Variants in RANBP3 observed in about 807,000 individuals in gnomAD.
The protein encoded by RANBP3 is ran-binding protein 3.
A neutral mutation model predicts 77.3 loss-of-function variants in RANBP3; 14 were observed. That is an observed-to-expected ratio of 0.18 (90% CI 0.12 to 0.28). The LOEUF is 0.28. RANBP3 is among the 10% of genes least tolerant of loss of function. The probability of loss-of-function intolerance (pLI) is 1.00; values close to 1 mark genes in which losing one functional copy is unlikely to be tolerated. For missense variants in RANBP3, 586 were observed against 752.3 expected (o/e 0.78, Z 2.59); for synonymous variants, 315 against 312.4 (o/e 1.01, Z -0.09).
chr19:5,948,633 A>T (rs957627280), intron 3 of RANBP3, among the ~76,000 whole-genome samples: 1 of 152,142 alleles, frequency 6.6e-6, no homozygotes, highest in Non-Finnish European at 1.5e-5. Context: ...CCAGCTCAGA[A>T]ATTCTTGTCA....
At chr19:5,942,700 C>CAAA (rs11298054) in intron 3 of RANBP3, among the ~76,000 whole-genome samples, 79 of 90,816 alleles carry the variant, frequency 8.7e-4, no homozygotes, top group African/African-American at 2.5e-3. Context: ...GACTCTGTCT[C>CAAA]AAAAAAAAAA....
rs1025448804 is a variant in RANBP3, at chr19:5,916,651, C to G, written c.*959G>C. The G allele has an allele frequency of 1.3e-5, 2 of 152,510 alleles. No homozygotes were observed. The highest frequency in any genetic ancestry group is 2.9e-5 in the Non-Finnish European group (2 of 68,266). The allele number at this position is 152,510 out of a possible 1,614,324, so 9.4% of individuals were successfully genotyped here. A position where few individuals can be genotyped will look rare whatever the true frequency, so the allele number is the denominator to read the frequency against. The stretch of plus-strand genomic sequence containing the variant: ...ACAGAAGCCCCTGGCCCTGGACTGT[C>G]CTGGGGGCAGGGACACCTGTGGCTG... On this transcript the variant is annotated 3_prime_UTR_variant, in exon 17 of 17. Transcript: ENST00000340578.
chr19:5,961,904 G>A (rs1034914529), intron 1 of RANBP3, among the ~76,000 whole-genome samples: 9 of 151,694 alleles, frequency 5.9e-5, no homozygotes. Flanking sequence ...TGCACTTCTG[G>A]ACTTCTGCTT....
At chr19:5,956,253 C>A (rs1439565643) in intron 2 of RANBP3, among the ~76,000 whole-genome samples, 2 of 152,048 alleles carry the variant, frequency 1.3e-5, no homozygotes, top group Non-Finnish European at 2.9e-5. Flanking sequence ...CTAGAAAATC[C>A]TGATTTTACT....
intron 9 of RANBP3, 61 bp from the exon 10 acceptor site, chr19:5,925,798 T>G (rs2057899812): frequency 1.6e-5 from 22 of 1,384,416 alleles, no homozygotes; most frequent in Middle Eastern, 1.8e-4. Flanking sequence ...GTTCCACAGC[T>G]CAGTGTCTGC....
At chr19:5,977,524 T>A (rs1396590706) in intron 1 of RANBP3, among the ~76,000 whole-genome samples, 1 of 150,838 alleles carries the variant, frequency 6.6e-6, no homozygotes, top group African/African-American at 2.4e-5. Context: ...GGGCCGAAGT[T>A]CGGGGCGGGG....
At chr19:5,970,903 A>T (rs1240779820) in intron 1 of RANBP3, among the ~76,000 whole-genome samples, 2 of 152,260 alleles carry the variant, frequency 1.3e-5, no homozygotes, top group Admixed American at 1.3e-4. Flanking sequence ...CAAACCAAGG[A>T]CAGCCAATCC....
intron 1 of RANBP3, among the ~76,000 whole-genome samples, chr19:5,967,072 C>G (rs948976567): frequency 1.3e-5 from 2 of 152,222 alleles, no homozygotes; most frequent in Admixed American, 6.5e-5. Context: ...CGTGTCAGGT[C>G]TGTCCTCCAA....
rs182645775 is a variant in RANBP3 at position 5,930,260 on chromosome 19, C to T, written c.693+1144G>A. ...ATCCCTATTTCCAATTCAGCAAACT[C>T]GTTTGAAAAAGGGCGTGAGGATGTT... is the stretch of plus-strand genomic sequence containing the variant. On this transcript the variant is annotated intron_variant, in intron 8 of 16. Transcript: ENST00000340578. Among the ~76,000 whole-genome samples the T allele has an allele frequency of 5.3e-5, 8 of 152,340 alleles. No homozygotes were observed. The East Asian group carries it at 9.6e-4, about 18-fold the overall frequency.
At position 5,951,413 on chromosome 19, in the gene RANBP3, A is replaced by G; in HGVS notation, c.262T>C (p.Phe88Leu). Residue 88 changes from phenylalanine (F) to leucine (L), a missense_variant, in exon 3 of 17, where the codon TTT becomes CTT. This residue lies in a region of RANBP3 where 172 missense variants were observed against 183.4 expected (regional missense o/e 0.94). Transcript: ENST00000340578. ...CTTACCCCTGCCAGTTCTCGCGGAA[A>G]AGGAGGAAGCTGGGCTTCAGGAGCG... ...PPAPEAQLPP[F>L]PRELAGRSAG... 1 of 1,567,610 alleles carries G rather than the reference A, an allele frequency of 6.4e-7. No homozygotes were observed. Among genetic ancestry groups the G allele is most frequent in the Non-Finnish European group, 8.7e-7 (1 of 1,155,102 alleles).
At chr19:5,930,819 G>A (rs552544560) in intron 8 of RANBP3, among the ~76,000 whole-genome samples, 101 of 152,246 alleles carry the variant, frequency 6.6e-4, no homozygotes, top group African/African-American at 2.3e-3. Flanking sequence ...TCCACCTGCC[G>A]CGGCCTCCCA....
Position 5,952,111 on chromosome 19 carries a change from CCT to C in RANBP3, c.79-517_79-516del, listed in dbSNP as rs1167348802. Among the ~76,000 whole-genome samples the C allele has an allele frequency of 6.6e-6, 1 of 152,064 alleles. No individual in the cohort carries two copies. The highest frequency in any genetic ancestry group is 2.4e-5 in the African/African-American group (1 of 41,348). ...CTCTCGCCGGGGTCAAGGGCTTCTG[CCT>C]CTCACTACAGTTCTTCTAGCACTTT... is the stretch of plus-strand genomic sequence containing the variant. On this transcript the variant is annotated intron_variant, in intron 2 of 16. Coordinates refer to ENST00000340578, the MANE Select transcript of RANBP3 (RefSeq NM_007322.3). This position sits in a 1 kb window ranked among gnomAD's most constrained non-coding sequence, Gnocchi z 4.1.
rs2058415934 is a variant in RANBP3, at chr19:5,962,466, C to T, written c.23-4493G>A. 1.3e-5 allele frequency among the ~76,000 whole-genome samples: 2 copies of T among 152,158 alleles called. 1 individual carries two copies. Among genetic ancestry groups the T allele is most frequent in the South Asian group, 4.1e-4 (2 of 4,828 alleles). ...GTATTCTCAGTGCCAAACACAGAGCCTCACACTTAACAGGCACTCAACCGG... is the reference window on the plus strand; with the variant it reads ...GTATTCTCAGTGCCAAACACAGAGCTTCACACTTAACAGGCACTCAACCGG... On this transcript the variant is annotated intron_variant, in intron 1 of 16. Transcript: ENST00000340578.
chr19:5,966,072 A>G (rs946516110), intron 1 of RANBP3: 5 of 152,290 alleles, frequency 3.3e-5, no homozygotes, highest in Non-Finnish European at 7.3e-5. Flanking sequence ...CTACGTGTGC[A>G]AAAGGGAGGA....
At chr19:5,945,974 C>T (rs2058199207) in intron 3 of RANBP3, among the ~76,000 whole-genome samples, 1 of 152,042 alleles carries the variant, frequency 6.6e-6, no homozygotes, top group Non-Finnish European at 1.5e-5. Context: ...TCCCTCCTGC[C>T]TCGGTGGCCT....
chr19:5,957,258 C>T (rs1426937850), intron 2 of RANBP3, among the ~76,000 whole-genome samples: 1 of 152,172 alleles, frequency 6.6e-6, no homozygotes, highest in Non-Finnish European at 1.5e-5. Flanking sequence ...TAGCACCCAT[C>T]GTTGTCTTAT....
intron 1 of RANBP3, among the ~76,000 whole-genome samples, chr19:5,976,028 C>T (rs1029962648): frequency 3.3e-5 from 5 of 152,000 alleles, no homozygotes; most frequent in East Asian, 1.9e-4. Context: ...TAAGCATTGA[C>T]GGTGTTGGTG....
intron 2 of RANBP3, among the ~76,000 whole-genome samples, 174 bp from the exon 3 acceptor site, chr19:5,951,770 C>G (rs1243364626): frequency 2.0e-5 from 3 of 152,178 alleles, no homozygotes; most frequent in Non-Finnish European, 4.4e-5. Context: ...ACAAAACCGG[C>G]TCTCCGGCTG....
chr19:5,922,614 G>A (rs770689270), intron 13 of RANBP3, among the ~76,000 whole-genome samples: 3 of 152,236 alleles, frequency 2.0e-5, no homozygotes, highest in Admixed American at 6.5e-5. Context: ...AATATGTTTG[G>A]TATGACAGTC....
Sources: gnomAD v4.1 joint callset for allele counts (sites outside exome capture counted in the v4.1 genomes callset) on GRCh38, gnomAD v4.1.1 for gene constraint, gnomAD v4.1.1 regional missense constraint, Gnocchi (gnomAD v3.1) non-coding constraint, MANE v1.5 for transcripts, NCBI Gene and HGNC (gene_info 2026-07-23, HGNC 2026-07-21) for gene names.